Variants in COL25A1 observed in about 807,000 individuals in gnomAD.
COL25A1 encodes collagen alpha-1(XXV) chain.
Under a neutral mutation model 128.4 loss-of-function variants are expected in COL25A1, and 103 were observed. The ratio of observed to expected loss-of-function variants is 0.80; its 90% confidence interval spans 0.68 to 0.94. The LOEUF is 0.94. COL25A1 is among the 40% of genes least tolerant of loss of function. The pLI is 0.00. For synonymous variants in COL25A1, 279 were observed against 277.2 expected (o/e 1.01, Z -0.06); for missense variants, 745 against 840.0 (o/e 0.89, Z 1.40).
chr4:109,031,340 T>A (rs1475238761), intron 5 of COL25A1, among the ~76,000 whole-genome samples: 1 of 151,756 alleles, frequency 6.6e-6, no homozygotes, highest in Non-Finnish European at 1.5e-5. Flanking sequence ...ATGGTCTCGA[T>A]CTTCTGACCT....
chr4:109,074,787 A>G (rs1334180093), intron 3 of COL25A1, among the ~76,000 whole-genome samples: 1 of 152,222 alleles, frequency 6.6e-6, no homozygotes, highest in Non-Finnish European at 1.5e-5. Flanking sequence ...TTCATTTAAG[A>G]AAACTAAGCT....
intron 3 of COL25A1, among the ~76,000 whole-genome samples, chr4:109,102,187 T>C (rs1234508423): frequency 4.6e-5 from 7 of 152,190 alleles, no homozygotes; most frequent in African/African-American, 1.7e-4. Flanking sequence ...CATGCACATG[T>C]ATTTTACATG....
At chr4:109,117,694 T>C (rs1309792542) in intron 3 of COL25A1, among the ~76,000 whole-genome samples, 1 of 151,980 alleles carries the variant, frequency 6.6e-6, no homozygotes, top group Non-Finnish European at 1.5e-5. Context: ...CTCATGTGTA[T>C]TATATATATG....
chr4:109,044,705 T>G (rs1389123225), intron 5 of COL25A1, among the ~76,000 whole-genome samples: 1 of 152,172 alleles, frequency 6.6e-6, no homozygotes, highest in East Asian at 1.9e-4. Flanking sequence ...GACTAACTTC[T>G]CAGACCAATT....
At chr4:108,861,415 C>T (rs1219236692) in intron 22 of COL25A1, among the ~76,000 whole-genome samples, 1 of 152,162 alleles carries the variant, frequency 6.6e-6, no homozygotes, top group African/African-American at 2.4e-5. Context: ...GTAGAGAGCT[C>T]ATTCTAGGGA....
chr4:109,224,593 G>C (rs1228631132), intron 3 of COL25A1, among the ~76,000 whole-genome samples: 1 of 152,042 alleles, frequency 6.6e-6, no homozygotes, highest in Non-Finnish European at 1.5e-5. Context: ...AGAAATTCTT[G>C]TTTCTACCAA....
intron 3 of COL25A1, among the ~76,000 whole-genome samples, chr4:109,139,773 T>G (rs999621184): frequency 6.6e-6 from 1 of 152,132 alleles, no homozygotes; most frequent in Non-Finnish European, 1.5e-5. Context: ...GCTGCATCCA[T>G]TAACTCGTCA....
intron 3 of COL25A1, among the ~76,000 whole-genome samples, chr4:109,275,068 C>A (rs1050379335): frequency 6.6e-6 from 1 of 152,116 alleles, no homozygotes; most frequent in African/African-American, 2.4e-5. Flanking sequence ...TTTATTAAAA[C>A]CCCTTTTTGT....
chr4:108,872,689 T>TACACAC lies in COL25A1; in HGVS notation c.1021-3540_1021-3539insGTGTGT, dbSNP rs141600363. ...AGTCAGGCATTAGATTTGATATATATATACACACACACACACACATATACA... is the reference window on the plus strand; with the variant it reads ...AGTCAGGCATTAGATTTGATATATATACACACATACACACACACACACACATATACA... On this transcript the variant is annotated intron_variant, in intron 19 of 37. Transcript: ENST00000399132. Among the ~76,000 whole-genome samples, 73 of 110,828 alleles carry TACACAC rather than the reference T, an allele frequency of 6.6e-4. No individual in the cohort carries two copies. The East Asian group carries it at 6.6e-3, about 10-fold the overall frequency. 72.7% of individuals were successfully genotyped at this position (110,828 alleles called of 152,430 possible). A position where few individuals can be genotyped will look rare whatever the true frequency, so the allele number is the denominator to read the frequency against.
At chr4:108,943,036 G>A (rs1336832352) in intron 8 of COL25A1, among the ~76,000 whole-genome samples, 3 of 152,054 alleles carry the variant, frequency 2.0e-5, no homozygotes, top group South Asian at 2.1e-4. Context: ...GATTACAGGC[G>A]TGAACCACCA....
intron 3 of COL25A1, among the ~76,000 whole-genome samples, chr4:109,276,411 CA>C (rs201350321): frequency 0.35 from 32,365 of 93,338 alleles, 3,342 homozygotes; most frequent in Middle Eastern, 0.48. Flanking sequence ...GACTCTGTCT[CA>C]AAAAAAAAAA....
chr4:108,902,789 T>C (rs1247789517), intron 13 of COL25A1, among the ~76,000 whole-genome samples: 5 of 151,996 alleles, frequency 3.3e-5, no homozygotes, highest in African/African-American at 1.2e-4. Flanking sequence ...AAATGTTGAC[T>C]TAGAATAATG....
intron 6 of COL25A1, among the ~76,000 whole-genome samples, chr4:109,001,391 C>CAGGTAGGCATCTGAGATCCTGTT: frequency 6.6e-6 from 1 of 152,176 alleles, no homozygotes; most frequent in Non-Finnish European, 1.5e-5. Flanking sequence ...GAGATCCTGT[C>CAGGTAGGCATCTGAGATCCTGTT]AGGTAGGCAT....
intron 8 of COL25A1, among the ~76,000 whole-genome samples, chr4:108,973,678 A>C (rs976567473): frequency 3.9e-5 from 6 of 152,182 alleles, no homozygotes; most frequent in Non-Finnish European, 7.3e-5. Context: ...GAGCCACTAC[A>C]TCATTGAAAC....
intron 35 of COL25A1, among the ~76,000 whole-genome samples, chr4:108,821,867 G>T (rs79162360): frequency 0.043 from 6,535 of 151,908 alleles, 423 homozygotes; most frequent in African/African-American, 0.15. Flanking sequence ...TGAATTATTC[G>T]CATTTAGAAC....
At chr4:108,940,999 G>A (rs1404174840) in intron 9 of COL25A1, among the ~76,000 whole-genome samples, 1 of 152,064 alleles carries the variant, frequency 6.6e-6, no homozygotes, top group Admixed American at 6.5e-5. Context: ...TTAATAAAAT[G>A]GCTGCATTTA....
intron 3 of COL25A1, among the ~76,000 whole-genome samples, chr4:109,244,495 T>A (rs1207523094): frequency 6.6e-6 from 1 of 152,150 alleles, no homozygotes; most frequent in African/African-American, 2.4e-5. Context: ...AAAAAGGAGT[T>A]GAAGCATCTG....
chr4:109,158,742 G>GA (rs1017040715), intron 3 of COL25A1, among the ~76,000 whole-genome samples: 1 of 152,162 alleles, frequency 6.6e-6, no homozygotes, highest in Non-Finnish European at 1.5e-5. Context: ...GACTTTTAAA[G>GA]AAAATACCCT....
chr4:109,176,430 G>A (rs1774103503), intron 3 of COL25A1, among the ~76,000 whole-genome samples: 1 of 152,156 alleles, frequency 6.6e-6, no homozygotes, highest in Non-Finnish European at 1.5e-5. Context: ...GCTTAAAAGA[G>A]TGGAGGATAG....
Sources: allele counts gnomAD v4.1 joint callset (sites outside exome capture counted in the v4.1 genomes callset), GRCh38; gene constraint gnomAD v4.1.1; transcripts MANE v1.5; gene names NCBI Gene and HGNC (gene_info 2026-07-23, HGNC 2026-07-21).